Variants in LIN28B observed in about 807,000 individuals in gnomAD.
The protein encoded by LIN28B is lin-28 RNA binding posttranscriptional regulator B.
A neutral mutation model predicts 21.9 loss-of-function variants in LIN28B; 5 were observed. The ratio of observed to expected loss-of-function variants is 0.23; its 90% confidence interval spans 0.12 to 0.48. The LOEUF (loss-of-function observed/expected upper bound fraction) is 0.48. LIN28B is among the 20% of genes least tolerant of loss of function. The pLI, the probability that LIN28B is intolerant of heterozygous loss-of-function variation, is 0.98. For synonymous variants in LIN28B, 109 were observed against 111.3 expected, an observed-to-expected ratio of 0.98 and a Z score of 0.13; for missense variants, 245 against 310.5, an observed-to-expected ratio of 0.79 and a Z score of 1.58.
chr6:104,968,908 G>T (rs979359154), intron 2 of LIN28B, among the ~76,000 whole-genome samples: 2 of 151,974 alleles, frequency 1.3e-5, no homozygotes, highest in Non-Finnish European at 2.9e-5. Flanking sequence ...TTAACATATT[G>T]TAAAGCTTGG....
chr6:104,965,501 C>T (rs551674777), intron 2 of LIN28B, among the ~76,000 whole-genome samples: 6 of 152,278 alleles, frequency 3.9e-5, no homozygotes, highest in East Asian at 1.9e-4. Flanking sequence ...CCAGTCTGGA[C>T]GACAGAGCAA....
At chr6:105,012,469 CA>C (rs746170800) in intron 2 of LIN28B, among the ~76,000 whole-genome samples, 33 of 136,176 alleles carry the variant, frequency 2.4e-4, no homozygotes, top group South Asian at 2.4e-4. Context: ...ACTCCATCTC[CA>C]AAAAAAAAAA....
intron 2 of LIN28B, among the ~76,000 whole-genome samples, chr6:105,014,061 T>C (rs192467278): frequency 4.3e-4 from 66 of 152,326 alleles, no homozygotes; most frequent in African/African-American, 1.5e-3. Context: ...TTTATGTTCC[T>C]ATTATTTTCT....
intron 2 of LIN28B, among the ~76,000 whole-genome samples, chr6:104,991,327 C>T (rs1770471858): frequency 1.3e-5 from 2 of 151,750 alleles, no homozygotes; most frequent in South Asian, 2.1e-4. Context: ...GGGCTCCTCA[C>T]CTCTCAGAGT....
At chr6:105,030,931 C>T (rs910719955) in intron 3 of LIN28B, among the ~76,000 whole-genome samples, 1 of 151,864 alleles carries the variant, frequency 6.6e-6, no homozygotes, top group African/African-American at 2.4e-5. Context: ...CCTAATACTT[C>T]CTGTGATTAT....
intron 2 of LIN28B, among the ~76,000 whole-genome samples, chr6:104,997,197 C>T (rs1306250155): frequency 1.3e-5 from 2 of 150,588 alleles, no homozygotes; most frequent in Admixed American, 6.6e-5. Flanking sequence ...AGGAGAATGG[C>T]GTGGACCCGG....
intron 3 of LIN28B, among the ~76,000 whole-genome samples, chr6:105,056,501 A>G (rs2114394512): frequency 6.6e-6 from 1 of 152,228 alleles, no homozygotes; most frequent in Non-Finnish European, 1.5e-5. Context: ...TCTCAAGTGA[A>G]ATGCCTGTGT....
chr6:105,051,165 G>T (rs1437445380), intron 3 of LIN28B, among the ~76,000 whole-genome samples: 1 of 151,716 alleles, frequency 6.6e-6, no homozygotes, highest in Non-Finnish European at 1.5e-5. Context: ...TGCGGGCTGG[G>T]CACAGTGGCT....
chr6:105,027,223 A>C (rs1771303816), intron 3 of LIN28B, among the ~76,000 whole-genome samples: 1 of 152,120 alleles, frequency 6.6e-6, no homozygotes, highest in African/African-American at 2.4e-5. Context: ...GTATTTTAAA[A>C]ATTTCAATAC....
intron 3 of LIN28B, among the ~76,000 whole-genome samples, chr6:105,029,770 G>A (rs574379868): frequency 2.4e-4 from 37 of 152,318 alleles, no homozygotes; most frequent in Non-Finnish European, 3.7e-4. Context: ...CTGTAAAACA[G>A]TCATTAAAAT....
intron 2 of LIN28B, chr6:104,937,220 A>C (rs1044361265): frequency 6.7e-6 from 1 of 149,526 alleles, no homozygotes; most frequent in Non-Finnish European, 1.5e-5. Context: ...GCTTACTGGA[A>C]CCTCTGGGTA....
At chr6:105,005,468 T>C (rs1770798342) in intron 2 of LIN28B, among the ~76,000 whole-genome samples, 1 of 152,188 alleles carries the variant, frequency 6.6e-6, no homozygotes, top group Non-Finnish European at 1.5e-5. Flanking sequence ...CCTTTTTTAC[T>C]CTTTGATATG....
chr6:104,969,123 GA>G (rs1229042528), intron 2 of LIN28B, among the ~76,000 whole-genome samples: 11 of 151,642 alleles, frequency 7.3e-5, no homozygotes, highest in Admixed American at 6.6e-4. Context: ...ATTTTCACAA[GA>G]AAAAAAGCTC....
At chr6:104,982,921 C>G (rs1163919603) in intron 2 of LIN28B, among the ~76,000 whole-genome samples, 2 of 152,112 alleles carry the variant, frequency 1.3e-5, no homozygotes, top group Non-Finnish European at 2.9e-5. Context: ...ACCTCAGCCT[C>G]TCATGTAGCT....
At chr6:104,945,385 GTGA>G (rs763638964) in intron 2 of LIN28B, among the ~76,000 whole-genome samples, 2 of 151,894 alleles carry the variant, frequency 1.3e-5, no homozygotes, top group African/African-American at 2.4e-5. Flanking sequence ...TTAATCTCTG[GTGA>G]TGATATAAAT....
intron 3 of LIN28B, among the ~76,000 whole-genome samples, chr6:105,049,992 C>T (rs567015207): frequency 5.3e-5 from 8 of 152,210 alleles, no homozygotes; most frequent in African/African-American, 1.7e-4. Context: ...GAGCATTTAG[C>T]CCATTTACAT....
At chr6:105,025,104 T>G (rs1187492944) in intron 2 of LIN28B, among the ~76,000 whole-genome samples, 4 of 152,148 alleles carry the variant, frequency 2.6e-5, no homozygotes, top group African/African-American at 9.6e-5. Flanking sequence ...ACTCAAATCT[T>G]TTGAATTTAC....
intron 2 of LIN28B, among the ~76,000 whole-genome samples, chr6:105,008,626 A>G (rs1317138812): frequency 6.6e-6 from 1 of 151,752 alleles, no homozygotes; most frequent in Non-Finnish European, 1.5e-5. Flanking sequence ...CCTGGGCGAC[A>G]GAACGAGACT....
intron 2 of LIN28B, among the ~76,000 whole-genome samples, chr6:105,010,004 A>G (rs2114306715): frequency 6.6e-6 from 1 of 152,226 alleles, no homozygotes; most frequent in South Asian, 2.1e-4. Context: ...TACATGAACA[A>G]TATAAAATGT....
Sources: gnomAD v4.1 joint callset for allele counts (sites outside exome capture counted in the v4.1 genomes callset) on GRCh38, gnomAD v4.1.1 for gene constraint, MANE v1.5 for transcripts, NCBI Gene and HGNC (gene_info 2026-07-23, HGNC 2026-07-21) for gene names.